The following ERBB4 variants were observed in gnomAD, a reference collection of about 807,000 sequenced individuals.
ERBB4 encodes the protein receptor tyrosine-protein kinase erbB-4.
In ERBB4, 42 loss-of-function variants were observed where a neutral mutation model predicts 158.0. The observed-to-expected ratio is 0.27, with a 90% CI of 0.21 to 0.34. The LOEUF (loss-of-function observed/expected upper bound fraction) is 0.34. ERBB4 is among the 10% of genes least tolerant of loss of function. The probability of loss-of-function intolerance (pLI) is 1.00; values close to 1 mark genes in which losing one functional copy is unlikely to be tolerated. For synonymous variants in ERBB4, 583 were observed against 558.7 expected (o/e 1.04, Z -0.61); for missense variants, 1,333 against 1,624.1 (o/e 0.82, Z 3.08).
intron 2 of ERBB4, among the ~76,000 whole-genome samples, chr2:212,057,269 G>T (rs981127674): frequency 1.3e-5 from 2 of 152,160 alleles, no homozygotes; most frequent in East Asian, 3.8e-4. Flanking sequence ...GGAGCACCCA[G>T]ATTCATAAAG....
intron 20 of ERBB4, among the ~76,000 whole-genome samples, chr2:211,551,011 C>G (rs1163730285): frequency 6.6e-5 from 10 of 151,540 alleles, no homozygotes; most frequent in African/African-American, 2.4e-4. Context: ...TGCAATCACA[C>G]AGCTCACTGC....
intron 1 of ERBB4, among the ~76,000 whole-genome samples, chr2:212,191,940 A>T (rs1386829514): frequency 3.7e-5 from 4 of 108,772 alleles, no homozygotes; most frequent in Non-Finnish European, 5.4e-5. Context: ...ATTATATATG[A>T]TGCATATGTT....
At chr2:212,316,581 T>C (rs2087290092) in intron 1 of ERBB4, among the ~76,000 whole-genome samples, 1 of 151,582 alleles carries the variant, frequency 6.6e-6, no homozygotes, top group Non-Finnish European at 1.5e-5. Flanking sequence ...GTCCAAATCA[T>C]TCTTTCACAG....
At chr2:211,423,735 A>C (rs537570645) in intron 23 of ERBB4, among the ~76,000 whole-genome samples, 3 of 152,058 alleles carry the variant, frequency 2.0e-5, no homozygotes, top group Non-Finnish European at 2.9e-5. Context: ...TAATTTTTAA[A>C]ACTGTCAGTT....
intron 1 of ERBB4, among the ~76,000 whole-genome samples, chr2:212,463,108 A>G (rs1325689737): frequency 6.6e-6 from 1 of 152,154 alleles, no homozygotes; most frequent in South Asian, 2.1e-4. Context: ...GGAGAGGATC[A>G]TGGAAGGAGG....
intron 1 of ERBB4, among the ~76,000 whole-genome samples, chr2:212,402,736 A>G (rs2091243649): frequency 6.6e-6 from 1 of 152,130 alleles, no homozygotes; most frequent in African/African-American, 2.4e-5. Context: ...GTGTATAAAT[A>G]CAGGGGTTTG....
chr2:212,322,081 T>C (rs1376699574), intron 1 of ERBB4, among the ~76,000 whole-genome samples: 2 of 150,646 alleles, frequency 1.3e-5, no homozygotes, highest in Admixed American at 1.3e-4. Flanking sequence ...CATTATCTTA[T>C]ATAACTCTGA....
chr2:211,401,979 A>C (rs951481708), intron 25 of ERBB4, among the ~76,000 whole-genome samples: 4 of 151,692 alleles, frequency 2.6e-5, no homozygotes, highest in African/African-American at 9.7e-5. Flanking sequence ...ATAATTTATC[A>C]TATCTAAAGA....
chr2:212,128,433 A>G (rs1282250513), intron 1 of ERBB4, among the ~76,000 whole-genome samples: 1 of 152,218 alleles, frequency 6.6e-6, no homozygotes, highest in East Asian at 1.9e-4. Flanking sequence ...TTCCAGCCTG[A>G]TGCCAGAAAT....
intron 19 of ERBB4, among the ~76,000 whole-genome samples, chr2:211,588,999 T>C (rs2068377428): frequency 6.6e-6 from 1 of 152,152 alleles, no homozygotes; most frequent in African/African-American, 2.4e-5. Context: ...TATGAGTATG[T>C]GGAAAATACA....
At chr2:211,984,066 A>C (rs2125237377) in intron 2 of ERBB4, among the ~76,000 whole-genome samples, 1 of 152,328 alleles carries the variant, frequency 6.6e-6, no homozygotes, top group East Asian at 1.9e-4. Context: ...CCAAGAGTCA[A>C]GAAAATCCAA....
chr2:211,850,581 G>A (rs1489963622), intron 3 of ERBB4, among the ~76,000 whole-genome samples: 2 of 151,878 alleles, frequency 1.3e-5, no homozygotes, highest in African/African-American at 4.8e-5. Context: ...GATAACTAGA[G>A]AAGATATTGA....
chr2:212,205,940 C>T (rs915257133), intron 1 of ERBB4, among the ~76,000 whole-genome samples: 1 of 152,100 alleles, frequency 6.6e-6, no homozygotes, highest in Non-Finnish European at 1.5e-5. Context: ...AAAAGTAAAG[C>T]TATTTTGGTT....
chr2:212,339,162 C>T (rs114043389), intron 1 of ERBB4, among the ~76,000 whole-genome samples: 2,655 of 152,144 alleles, frequency 0.017, 75 homozygotes, highest in African/African-American at 0.061. Context: ...TTCTCTCCCT[C>T]CCCAACCCCA....
intron 3 of ERBB4, among the ~76,000 whole-genome samples, chr2:211,829,318 A>G (rs1286490851): frequency 6.6e-6 from 1 of 152,140 alleles, no homozygotes; most frequent in Non-Finnish European, 1.5e-5. Flanking sequence ...ACTTTAGTAA[A>G]TAGTTATCAG....
At chr2:212,534,177 A>C (rs1692907407) in intron 1 of ERBB4, among the ~76,000 whole-genome samples, 1 of 152,224 alleles carries the variant, frequency 6.6e-6, no homozygotes, top group Non-Finnish European at 1.5e-5. Context: ...TATAACACAA[A>C]AATAATACCG....
At chr2:211,991,914 G>C (rs2082082912) in intron 2 of ERBB4, among the ~76,000 whole-genome samples, 1 of 152,146 alleles carries the variant, frequency 6.6e-6, no homozygotes. Flanking sequence ...AGGCTATGTT[G>C]AGGCACAGCA....
chr2:211,774,546 G>A (rs982086679), intron 4 of ERBB4, among the ~76,000 whole-genome samples: 2 of 152,042 alleles, frequency 1.3e-5, no homozygotes, highest in African/African-American at 2.4e-5. Flanking sequence ...CTGAACCCTC[G>A]TCTGGCCAGT....
chr2:211,506,175 G>A (rs1259898318), intron 20 of ERBB4, among the ~76,000 whole-genome samples: 1 of 151,140 alleles, frequency 6.6e-6, no homozygotes, highest in Non-Finnish European at 1.5e-5. Flanking sequence ...AAGACAAAGG[G>A]CATTATATAA....
Sources: gnomAD v4.1 joint callset for allele counts (sites outside exome capture counted in the v4.1 genomes callset) on GRCh38, gnomAD v4.1.1 for gene constraint, MANE v1.5 for transcripts, NCBI Gene and HGNC (gene_info 2026-07-23, HGNC 2026-07-21) for gene names.